The following EVL variants were observed in gnomAD, a reference collection of about 807,000 sequenced individuals.
EVL encodes the protein ena/VASP-like protein.
Under a neutral mutation model 59.6 loss-of-function variants are expected in EVL, and 21 were observed. The observed-to-expected ratio is 0.35, with a 90% confidence interval of 0.25 to 0.51. The LOEUF (loss-of-function observed/expected upper bound fraction) is 0.51, where lower values mean the gene tolerates loss of function less well. Ranked by LOEUF, EVL falls within the 20% of genes least tolerant of loss-of-function variation. EVL has a pLI of 0.97. For missense variants in EVL, 462 were observed against 546.6 expected (o/e 0.85, Z 1.54); for synonymous variants, 198 against 203.5 (o/e 0.97, Z 0.23).
intron 1 of EVL, among the ~76,000 whole-genome samples, chr14:100,060,224 A>G (rs1254060921): frequency 6.6e-6 from 1 of 151,958 alleles, no homozygotes; most frequent in Non-Finnish European, 1.5e-5. Context: ...AGGTCAGGAG[A>G]TCGAGACCAT....
chr14:100,016,112 T>C (rs1325007496), intron 1 of EVL, among the ~76,000 whole-genome samples: 1 of 151,750 alleles, frequency 6.6e-6, no homozygotes, highest in Non-Finnish European at 1.5e-5. Context: ...TATTTATTAA[T>C]TTAAAAATTT....
chr14:99,974,042 C>G (rs1235248404), intron 1 of EVL, among the ~76,000 whole-genome samples: 2 of 152,092 alleles, frequency 1.3e-5, no homozygotes, highest in Non-Finnish European at 2.9e-5. Flanking sequence ...GCAACAAATT[C>G]TTAGTGTTTG....
intron 1 of EVL, among the ~76,000 whole-genome samples, chr14:100,048,794 A>C (rs945218333): frequency 1.3e-5 from 2 of 152,256 alleles, no homozygotes; most frequent in African/African-American, 4.8e-5. Flanking sequence ...AACAGCTCGG[A>C]TGAATCTCAA....
At chr14:100,002,370 G>A (rs2140185743) in intron 1 of EVL, among the ~76,000 whole-genome samples, 1 of 152,056 alleles carries the variant, frequency 6.6e-6, no homozygotes, top group African/African-American at 2.4e-5. Flanking sequence ...AAGTTTTTAT[G>A]GCAGCCATAT....
chr14:100,131,509 G>A (rs778036495), intron 7 of EVL, among the ~76,000 whole-genome samples: 65 of 152,232 alleles, frequency 4.3e-4, no homozygotes, highest in Middle Eastern at 3.2e-3. Context: ...TCCCAACAGT[G>A]GAGGGCAGGA....
rs1886732384 is a variant in EVL, at chr14:100,108,546, G to C, written c.358+10888G>C. Among the ~76,000 whole-genome samples the C allele has an allele frequency of 6.6e-6, 1 of 152,086 alleles. No homozygotes were observed. On this transcript the variant is annotated intron_variant, in intron 3 of 13. Transcript: ENST00000392920. The surrounding 1 kb of genome is among the most constrained non-coding windows in gnomAD (Gnocchi z 4.1). ...TATGTCTCTTTGCTGACCCACCCCT[G>C]TTCTCACCCCAGGGCTCCAGATGTT...
chr14:100,067,477 G>A (rs1457905735), intron 1 of EVL, among the ~76,000 whole-genome samples: 2 of 152,172 alleles, frequency 1.3e-5, no homozygotes, highest in East Asian at 3.8e-4. Flanking sequence ...AGGTAGTGTT[G>A]TGGGGCGTTT....
intron 1 of EVL, among the ~76,000 whole-genome samples, chr14:100,007,305 T>C (rs1158588818): frequency 6.6e-6 from 1 of 152,140 alleles, no homozygotes; most frequent in Non-Finnish European, 1.5e-5. Flanking sequence ...TTGCATTCTT[T>C]TGAATTTCTG....
chr14:100,079,559 C>T (rs2062246118), intron 1 of EVL, among the ~76,000 whole-genome samples: 1 of 152,210 alleles, frequency 6.6e-6, no homozygotes, highest in African/African-American at 2.4e-5. Context: ...GAGCCAGCCT[C>T]TCTCTGGACA....
In EVL at chr14:100,100,416, C is replaced by T. The variant is rs564459915; in HGVS notation, c.358+2758C>T. On this transcript the variant is annotated intron_variant, in intron 3 of 13. Coordinates refer to ENST00000392920, the MANE Select transcript of EVL (RefSeq NM_016337.3). ...ATAAGCTTTTGCTTCAGCCGAGGTCCAAGCCTACTGACAATACCATGCGCA... is the reference window on the plus strand; with the variant it reads ...ATAAGCTTTTGCTTCAGCCGAGGTCTAAGCCTACTGACAATACCATGCGCA... Among the ~76,000 whole-genome samples, 3 of 152,214 alleles carry T rather than the reference C, an allele frequency of 2.0e-5. No individual in the cohort carries two copies. In the East Asian group the frequency reaches 5.8e-4, roughly 29 times the overall value.
chr14:100,106,020 G>A (rs1337416581), intron 3 of EVL: 22 of 152,236 alleles, frequency 1.4e-4, no homozygotes, highest in Admixed American at 1.4e-3. Context: ...TGTCTTCTTT[G>A]TAGGTGTTGA....
At chr14:100,059,555 C>T (rs1305269833) in intron 1 of EVL, among the ~76,000 whole-genome samples, 5 of 152,096 alleles carry the variant, frequency 3.3e-5, no homozygotes, top group Admixed American at 3.3e-4. Context: ...GCAGAGATCG[C>T]CTGCTGTAGG....
chr14:100,101,091 G>A (rs1333496788), intron 3 of EVL, among the ~76,000 whole-genome samples: 1 of 152,198 alleles, frequency 6.6e-6, no homozygotes, highest in Non-Finnish European at 1.5e-5. Context: ...CGGGCATGGT[G>A]GCTCATGCCT....
At chr14:100,043,062 A>G (rs563928075) in intron 1 of EVL, among the ~76,000 whole-genome samples, 4 of 152,072 alleles carry the variant, frequency 2.6e-5, no homozygotes, top group East Asian at 1.9e-4. Context: ...AGCTCCATCA[A>G]CCTTTGTGGG....
chr14:100,019,027 G>A (rs1040796944), intron 1 of EVL, among the ~76,000 whole-genome samples: 5 of 152,314 alleles, frequency 3.3e-5, no homozygotes, highest in East Asian at 1.9e-4. Flanking sequence ...GTAAGGTCAC[G>A]CTGGTCATGG....
intron 1 of EVL, among the ~76,000 whole-genome samples, chr14:100,016,179 T>C (rs1216684466): frequency 1.3e-5 from 2 of 152,096 alleles, no homozygotes; most frequent in African/African-American, 4.8e-5. Context: ...AGTAGGAGTG[T>C]GCATTATCTG....
In EVL at chr14:100,106,404, C is replaced by T. The variant is rs182100013; in HGVS notation, c.358+8746C>T. On this transcript the variant is annotated intron_variant, in intron 3 of 13. Coordinates refer to ENST00000392920, the MANE Select transcript of EVL (RefSeq NM_016337.3). Reference sequence around the variant, plus strand: ...CCTATCTCCAGCATCGTCACTGTGACGTTTCAGTCATCCATAGACCTCCCC... The same window carrying T: ...CCTATCTCCAGCATCGTCACTGTGATGTTTCAGTCATCCATAGACCTCCCC... 1.3e-3 allele frequency: 208 copies of T among 156,984 alleles called. 2 individuals carry two copies. The highest frequency in any genetic ancestry group is 3.1e-4 in the Non-Finnish European group (22 of 71,440). 9.7% of individuals were successfully genotyped at this position (156,984 alleles called of 1,614,324 possible). A position where few individuals can be genotyped will look rare whatever the true frequency, so the allele number is the denominator to read the frequency against.
chr14:100,001,804 G>T lies in EVL; in HGVS notation c.5+29747G>T, dbSNP rs76552471. 0.011 allele frequency among the ~76,000 whole-genome samples: 1,718 copies of T among 152,290 alleles called. 73 individuals are homozygous for T. The East Asian group carries it at 0.15, about 13-fold the overall frequency. ...GGTATGAGGCTAGTTTTCCCAAGGGGATTTTATTGGCTCTGTAAGTTAAGT... is the reference window on the plus strand; with the variant it reads ...GGTATGAGGCTAGTTTTCCCAAGGGTATTTTATTGGCTCTGTAAGTTAAGT... On this transcript the variant is annotated intron_variant, in intron 1 of 13. Coordinates refer to the EVL transcript ENST00000402714.
At chr14:100,100,543 C>A (rs75959074) in intron 3 of EVL, among the ~76,000 whole-genome samples, 6,712 of 152,226 alleles carry the variant, frequency 0.044, 220 homozygotes, top group African/African-American at 0.076. Context: ...GCCCTCCCCG[C>A]AGTCCCTGCA....
Sources: gnomAD v4.1 joint callset for allele counts (sites outside exome capture counted in the v4.1 genomes callset) on GRCh38, gnomAD v4.1.1 for gene constraint, Gnocchi (gnomAD v3.1) non-coding constraint, MANE v1.5 for transcripts, NCBI Gene and HGNC (gene_info 2026-07-23, HGNC 2026-07-21) for gene names.